The following CCDC30 variants were observed in gnomAD, a reference collection of about 807,000 sequenced individuals.
CCDC30 encodes the protein coiled-coil domain containing 30.
Under a neutral mutation model 100.2 loss-of-function variants are expected in CCDC30, and 70 were observed. That is an observed-to-expected ratio of 0.70 (90% CI 0.58 to 0.85). The LOEUF (loss-of-function observed/expected upper bound fraction) is 0.85. Among genes scored for constraint, CCDC30 ranks in the 40% least tolerant of loss-of-function variants. The pLI is 0.00. For missense variants in CCDC30, 652 were observed against 771.2 expected (o/e 0.85, Z 1.83); for synonymous variants, 233 against 269.5 (o/e 0.86, Z 1.33).
rs190705854 is a variant in CCDC30 at position 42,533,717 on chromosome 1, A to G, written c.457-32579A>G. 2.0e-5 allele frequency among the ~76,000 whole-genome samples: 3 copies of G among 152,322 alleles called. No homozygotes were observed. In the East Asian group the frequency reaches 5.8e-4, roughly 29 times the overall value. On this transcript the variant is annotated intron_variant, in intron 6 of 16. Transcript: ENST00000668663. ...CTACAGTGCCTGCATTCATCTTTTC[A>G]TTTGACTGTGCCTGTGAGAGGGCGC...
the CCDC30 span, chr1:42,456,837 C>T: frequency 3.1e-6 from 5 of 1,613,560 alleles, no homozygotes; most frequent in Middle Eastern, 3.3e-4. Context: ...TCTGCCTTCC[C>T]CTATGCCCAC....
At chr1:42,616,001 C>T (rs1480627338) in intron 11 of CCDC30, among the ~76,000 whole-genome samples, 2 of 151,954 alleles carry the variant, frequency 1.3e-5, no homozygotes, top group Non-Finnish European at 1.5e-5. Flanking sequence ...CTGCAACCTC[C>T]GCCTTCTGGG....
chr1:42,605,937 T>A (rs1646492987), intron 10 of CCDC30, among the ~76,000 whole-genome samples: 1 of 152,176 alleles, frequency 6.6e-6, no homozygotes, highest in South Asian at 2.1e-4. Context: ...TGCAGATTCT[T>A]TTGGAAAATT....
chr1:42,554,231 C>T (rs1645319813), intron 6 of CCDC30, among the ~76,000 whole-genome samples: 1 of 149,532 alleles, frequency 6.7e-6, no homozygotes. Flanking sequence ...GCAGTAAACT[C>T]ATTCATATGC....
intron 6 of CCDC30, among the ~76,000 whole-genome samples, chr1:42,511,738 G>A (rs1299891975): frequency 6.6e-6 from 1 of 151,988 alleles, no homozygotes; most frequent in Non-Finnish European, 1.5e-5. Flanking sequence ...GCAAAGGGAC[G>A]ACATTGTGCC....
intron 12 of CCDC30, among the ~76,000 whole-genome samples, chr1:42,637,870 T>C (rs553554997): frequency 5.0e-4 from 76 of 152,308 alleles, no homozygotes; most frequent in African/African-American, 1.8e-3. Context: ...GACAGATGAA[T>C]AGAATCAAAT....
downstream of CCDC30, among the ~76,000 whole-genome samples, chr1:42,655,416 G>A (rs955593980): frequency 1.3e-5 from 2 of 151,962 alleles, no homozygotes; most frequent in African/African-American, 2.4e-5. Context: ...GTGGTAGTGC[G>A]CGCGCCTGTA....
At chr1:42,644,896 A>G in intron 14 of CCDC30, 89 bp downstream of exon 18, 3 of 827,918 alleles carry the variant, frequency 3.6e-6, no homozygotes, top group East Asian at 2.6e-5. Flanking sequence ...TCATCTTTAT[A>G]TAGCTGTAGC....
intron 6 of CCDC30, among the ~76,000 whole-genome samples, chr1:42,559,470 C>CA (rs572777989): frequency 1.9e-3 from 294 of 150,932 alleles, no homozygotes; most frequent in Middle Eastern, 0.01. Flanking sequence ...AAATGGAAAG[C>CA]AAAAAAAAGC....
intron 6 of CCDC30, among the ~76,000 whole-genome samples, chr1:42,546,889 A>G (rs1384616081): frequency 6.6e-6 from 1 of 152,202 alleles, no homozygotes; most frequent in East Asian, 1.9e-4. Flanking sequence ...TCTAGAACTA[A>G]ATAATCAAAA....
intron 12 of CCDC30, among the ~76,000 whole-genome samples, chr1:42,641,565 C>CA (rs200184915): frequency 0.1 from 14,822 of 148,662 alleles, 852 homozygotes; most frequent in African/African-American, 0.16. Context: ...AACAAAAAAA[C>CA]AAAAAAAAAC....
intron 6 of CCDC30, among the ~76,000 whole-genome samples, chr1:42,543,105 C>A: frequency 6.6e-6 from 1 of 151,930 alleles, no homozygotes; most frequent in Non-Finnish European, 1.5e-5. Context: ...TTCTGAGTAG[C>A]TGGGACTACA....
the CCDC30 span, chr1:42,456,704 G>A: frequency 6.2e-7 from 1 of 1,608,326 alleles, no homozygotes; most frequent in Admixed American, 1.7e-5. Context: ...CGGCACCAAG[G>A]TCCCACTGGA....
At chr1:42,578,377 G>A (rs1645887430) in intron 8 of CCDC30, among the ~76,000 whole-genome samples, 1 of 152,126 alleles carries the variant, frequency 6.6e-6, no homozygotes, top group Non-Finnish European at 1.5e-5. Flanking sequence ...TTAACTGAAG[G>A]GGGCACTAGG....
At chr1:42,653,505 A>T in intron 16 of CCDC30, 62 bp downstream of exon 20, 10 of 1,081,146 alleles carry the variant, frequency 9.2e-6, no homozygotes, top group Non-Finnish European at 1.4e-5. Flanking sequence ...GCCATGCCTG[A>T]GAGTCATGGC....
chr1:42,456,552 CCGCTG>C, the CCDC30 span: 1 of 1,456,204 alleles, frequency 6.9e-7, no homozygotes, highest in South Asian at 1.4e-5. Flanking sequence ...CAGGCGCCGG[CCGCTG>C]CGCTGCAGAT....
intron 11 of CCDC30, among the ~76,000 whole-genome samples, chr1:42,631,600 G>A (rs1050853641): frequency 6.6e-6 from 1 of 152,220 alleles, no homozygotes; most frequent in Non-Finnish European, 1.5e-5. Context: ...GTCCAGTGGT[G>A]CCATCTGGGA....
At chr1:42,510,019 A>G (rs1384550848) in intron 6 of CCDC30, 8 of 970,854 alleles carry the variant, frequency 8.2e-6, no homozygotes, top group Non-Finnish European at 9.8e-6. Flanking sequence ...TAAACCATGA[A>G]AAAAGGAAGG....
intron 6 of CCDC30, among the ~76,000 whole-genome samples, chr1:42,523,975 TGTTCATACATTATTTTCTTGA>T (rs1335415847): frequency 5.9e-5 from 9 of 152,192 alleles, no homozygotes; most frequent in African/African-American, 1.4e-4. Context: ...ATTTCTGTTT[TGTTCATACATTATTTTCTTGA>T]CTTTCTCCAT....
Sources: gnomAD v4.1 joint callset for allele counts (sites outside exome capture counted in the v4.1 genomes callset) on GRCh38, gnomAD v4.1.1 for gene constraint, MANE v1.5 for transcripts, NCBI Gene and HGNC (gene_info 2026-07-23, HGNC 2026-07-21) for gene names.